The following DIXDC1 variants were observed in gnomAD, a reference collection of about 807,000 sequenced individuals.
The protein encoded by DIXDC1 is dixin.
DIXDC1 carries 64 observed loss-of-function variants against 103.1 expected under a neutral mutation model. That is an observed-to-expected ratio of 0.62 (90% confidence interval 0.51 to 0.76). The LOEUF is 0.76. DIXDC1 is among the 30% of genes least tolerant of loss of function. The pLI is 0.00. For missense variants in DIXDC1, 759 were observed against 834.2 expected (o/e 0.91, Z 1.11); for synonymous variants, 266 against 298.5 (o/e 0.89, Z 1.12).
At chr11:111,930,033 C>CTT in intron 2 of DIXDC1, 2 of 907,462 alleles carry the variant, frequency 2.2e-6, no homozygotes, top group South Asian at 2.0e-5. Flanking sequence ...ATATATTTGT[C>CTT]TTTTTTTTTG....
At chr11:111,983,784 A>G (rs1860401760) in intron 7 of DIXDC1, among the ~76,000 whole-genome samples, 1 of 152,230 alleles carries the variant, frequency 6.6e-6, no homozygotes, top group Non-Finnish European at 1.5e-5. Context: ...TCCTGCAAAC[A>G]GAAGAGTTTT....
chr11:112,012,993 G>A lies in DIXDC1; in HGVS notation c.1757-3698G>A, dbSNP rs587659811. 4.7e-4 allele frequency among the ~76,000 whole-genome samples: 72 copies of A among 152,154 alleles called. 1 individual carries two copies. Among genetic ancestry groups the A allele is most frequent in the Non-Finnish European group, 9.8e-4 (67 of 68,028 alleles). ...CATAACATTTGTATTAGTCAGCTTG[G>A]GCTGCCATTGCAAAATACCTTCAAC... On this transcript the variant is annotated intron_variant, in intron 17 of 19. Transcript: ENST00000440460.
chr11:111,932,586 CAA>C (rs1279927247), upstream of DIXDC1, among the ~76,000 whole-genome samples: 21 of 65,548 alleles, frequency 3.2e-4, no homozygotes, highest in African/African-American at 3.8e-4. Flanking sequence ...GACTCCGTCT[CAA>C]AAAAAAAAAA....
chr11:111,977,675 C>A lies in DIXDC1; in HGVS notation c.656+2692C>A. The A allele has an allele frequency of 6.5e-7, 1 of 1,546,144 alleles. No individual in the cohort carries two copies. Among genetic ancestry groups the A allele is most frequent in the Non-Finnish European group, 8.7e-7 (1 of 1,144,320 alleles). On this transcript the variant is annotated intron_variant, in intron 5 of 19. Coordinates refer to ENST00000440460, the MANE Select transcript of DIXDC1 (RefSeq NM_001037954.4). This position sits in a 1 kb window ranked among gnomAD's most constrained non-coding sequence, Gnocchi z 6.1. ...GTGGAGGCGTTTTCCAGCCCCAGCG[C>A]GGGGAGACATGCCTGAATTTGGGAG...
rs587675837 is a variant in DIXDC1, at chr11:111,962,556, A to G, written c.61-1993A>G. 5.9e-5 allele frequency among the ~76,000 whole-genome samples: 9 copies of G among 152,080 alleles called. No individual in the cohort carries two copies. The South Asian group carries it at 1.5e-3, about 25-fold the overall frequency. On this transcript the variant is annotated intron_variant, in intron 1 of 19. Coordinates refer to ENST00000440460, the MANE Select transcript of DIXDC1 (RefSeq NM_001037954.4). ...GCATGGTGCATTTGGGGAACTGTAC[A>G]TAATTCAGATGAGCTGAAGCATGGT... is the stretch of plus-strand genomic sequence containing the variant.
intron 3 of DIXDC1, 67 bp from the exon 4 acceptor site, chr11:111,973,956 C>A: frequency 6.8e-7 from 1 of 1,470,108 alleles, no homozygotes; most frequent in Non-Finnish European, 9.3e-7. Context: ...ATGCAGAAGT[C>A]CTCAGCTTTT....
chr11:111,929,537 A>G (rs2137416613), intron 1 of DIXDC1, among the ~76,000 whole-genome samples: 1 of 149,594 alleles, frequency 6.7e-6, no homozygotes. Context: ...GAGTTATGAC[A>G]GTGCCAGTGC....
chr11:111,962,482 C>CAA (rs201060749), intron 1 of DIXDC1, among the ~76,000 whole-genome samples: 3 of 147,484 alleles, frequency 2.0e-5, no homozygotes, highest in African/African-American at 7.6e-5. Context: ...ACTCCATCTC[C>CAA]AAGAAAAAAA....
In DIXDC1 at chr11:111,988,538, C is replaced by T. The variant is rs139980997; in HGVS notation, c.1063-467C>T. ...TTAGGCTAAATGTGTTTTTGTTTGG[C>T]CCACAAAGAACAATACCCTCTTGGA... On this transcript the variant is annotated intron_variant, in intron 9 of 19. Transcript: ENST00000440460. Among the ~76,000 whole-genome samples the T allele has an allele frequency of 1.9e-4, 29 of 152,178 alleles. No homozygotes were observed. The East Asian group carries it at 5.0e-3, about 26-fold the overall frequency.
intron 17 of DIXDC1, among the ~76,000 whole-genome samples, chr11:111,996,833 G>A (rs1860915415): frequency 6.6e-6 from 1 of 152,212 alleles, no homozygotes; most frequent in South Asian, 2.1e-4. Flanking sequence ...GTGGGTGACA[G>A]AGTAAGACTC....
At chr11:111,961,191 C>T (rs188977035) in intron 1 of DIXDC1, among the ~76,000 whole-genome samples, 8 of 152,262 alleles carry the variant, frequency 5.3e-5, no homozygotes, top group Admixed American at 2.6e-4. Context: ...AGTAGACAGC[C>T]GCTTAGTATA....
In DIXDC1 at chr11:111,980,730, A is replaced by ATTG. The variant is rs1860269184; in HGVS notation, c.657-6_657-5insTGT. ...AATCGTTTTTCTTCCTTTTTCTTCA[A>ATTG]TCACAGCCTGACTTCACCCAGTCCA... is the stretch of plus-strand genomic sequence containing the variant. On this transcript the variant is annotated splice_region_variant and splice_polypyrimidine_tract_variant and intron_variant, in intron 5 of 19. Transcript: ENST00000440460. 1.2e-6 allele frequency: 2 copies of ATTG among 1,610,204 alleles called. No individual in the cohort carries two copies. Among genetic ancestry groups the ATTG allele is most frequent in the African/African-American group, 2.7e-5 (2 of 74,776 alleles).
upstream of DIXDC1, among the ~76,000 whole-genome samples, chr11:111,932,929 C>T (rs923476531): frequency 1.3e-5 from 2 of 152,152 alleles, no homozygotes; most frequent in Admixed American, 6.5e-5. Context: ...TATAATGACT[C>T]ATAAGAGGTG....
chr11:111,943,229 C>CA (rs1392967370), intron 1 of DIXDC1, among the ~76,000 whole-genome samples: 1 of 152,166 alleles, frequency 6.6e-6, no homozygotes, highest in East Asian at 1.9e-4. Context: ...CTCCACCTCG[C>CA]ACCTCTTGGG....
At chr11:112,014,223 C>T (rs782254670) in intron 17 of DIXDC1, among the ~76,000 whole-genome samples, 1 of 152,134 alleles carries the variant, frequency 6.6e-6, no homozygotes, top group Non-Finnish European at 1.5e-5. Flanking sequence ...TACTTTGCTG[C>T]GAGATCAACT....
At chr11:111,937,303 A>C, upstream of DIXDC1, 1 of 1,335,024 alleles carries the variant, frequency 7.5e-7, no homozygotes, top group Non-Finnish European at 9.6e-7. Flanking sequence ...GGGCCCCTCC[A>C]GCGGAGGCCC....
chr11:111,938,989 C>G (rs1966318515), intron 1 of DIXDC1, among the ~76,000 whole-genome samples: 1 of 152,232 alleles, frequency 6.6e-6, no homozygotes, highest in African/African-American at 2.4e-5. Flanking sequence ...GGAAGCCTAC[C>G]TCTGAGTGAT....
intron 3 of DIXDC1, among the ~76,000 whole-genome samples, chr11:111,972,299 A>G (rs1389631807): frequency 6.6e-6 from 1 of 152,192 alleles, no homozygotes; most frequent in Admixed American, 6.5e-5. Flanking sequence ...GGCAAAATTT[A>G]GAGTTCCACG....
At chr11:111,952,658 T>C (rs1555170152) in intron 1 of DIXDC1, among the ~76,000 whole-genome samples, 1 of 151,906 alleles carries the variant, frequency 6.6e-6, no homozygotes, top group East Asian at 1.9e-4. Context: ...CCATTTGTAC[T>C]AAAAATACAA....
Sources: allele counts gnomAD v4.1 joint callset (sites outside exome capture counted in the v4.1 genomes callset), GRCh38; gene constraint gnomAD v4.1.1; non-coding constraint Gnocchi (gnomAD v3.1); transcripts MANE v1.5; gene names NCBI Gene and HGNC (gene_info 2026-07-23, HGNC 2026-07-21).